ANKS1B: variants seen among roughly 807,000 people sequenced by gnomAD.
ANKS1B encodes ankyrin repeat and sterile alpha motif domain-containing protein 1B.
In ANKS1B, 36 loss-of-function variants were observed where a neutral mutation model predicts 148.3. The observed-to-expected ratio is 0.24, with a 90% confidence interval of 0.19 to 0.32. The LOEUF (loss-of-function observed/expected upper bound fraction) is 0.32. Among genes scored for constraint, ANKS1B ranks in the 10% least tolerant of loss-of-function variants. ANKS1B has a pLI of 1.00. For missense variants in ANKS1B, 1,157 were observed against 1,542.6 expected (o/e 0.75, Z 4.19); for synonymous variants, 542 against 560.8 (o/e 0.97, Z 0.47).
rs1223740629 is a variant in ANKS1B, at chr12:99,602,170, T to C, written c.1272+52897A>G. On this transcript the variant is annotated intron_variant, in intron 9 of 26. Transcript: ENST00000683438. ...ATTCAGCATGCTAAAGTGCCATACT[T>C]TGTGGTACCATTTTCTGAGCCCAAC... Among the ~76,000 whole-genome samples, 5 of 152,124 alleles carry C rather than the reference T, an allele frequency of 3.3e-5. No homozygotes were observed. The East Asian group carries it at 9.7e-4, about 29-fold the overall frequency.
chr12:99,288,716 G>A (rs539985262), intron 12 of ANKS1B, among the ~76,000 whole-genome samples: 1 of 151,992 alleles, frequency 6.6e-6, no homozygotes, highest in African/African-American at 2.4e-5. Context: ...GTTATAAGAT[G>A]TTATTTGCAA....
intron 10 of ANKS1B, among the ~76,000 whole-genome samples, chr12:99,489,492 T>C (rs1299468056): frequency 1.3e-5 from 2 of 152,212 alleles, no homozygotes; most frequent in Non-Finnish European, 2.9e-5. Context: ...AGAAGCATTA[T>C]ATTAGTAGCT....
chr12:99,498,389 A>C (rs1472391952), intron 10 of ANKS1B, among the ~76,000 whole-genome samples: 1 of 151,900 alleles, frequency 6.6e-6, no homozygotes, highest in African/African-American at 2.4e-5. Flanking sequence ...CTCTGAATGT[A>C]CTCTGTTCTT....
At chr12:99,384,096 G>A (rs2093760935) in intron 12 of ANKS1B, among the ~76,000 whole-genome samples, 10 of 152,144 alleles carry the variant, frequency 6.6e-5, no homozygotes, top group Admixed American at 6.5e-4. Flanking sequence ...AAAGAGAGCA[G>A]AGATTTTGTC....
chr12:99,919,730 A>T (rs941039178), intron 1 of ANKS1B, among the ~76,000 whole-genome samples: 1 of 151,432 alleles, frequency 6.6e-6, no homozygotes, highest in African/African-American at 2.4e-5. Flanking sequence ...CAGGTGGCAA[A>T]TTGAGCACTT....
At chr12:99,181,261 T>G (rs1001406700) in intron 14 of ANKS1B, among the ~76,000 whole-genome samples, 1 of 152,116 alleles carries the variant, frequency 6.6e-6, no homozygotes, top group Non-Finnish European at 1.5e-5. Context: ...TTTTTTTGGC[T>G]CCCAATACCT....
intron 9 of ANKS1B, among the ~76,000 whole-genome samples, chr12:99,546,311 G>A (rs1056742327): frequency 6.6e-6 from 1 of 152,120 alleles, no homozygotes; most frequent in Non-Finnish European, 1.5e-5. Flanking sequence ...GCTAACTTAA[G>A]AAAGACATGC....
intron 16 of ANKS1B, among the ~76,000 whole-genome samples, chr12:99,083,145 T>C (rs1311980316): frequency 1.3e-5 from 2 of 152,200 alleles, no homozygotes; most frequent in East Asian, 3.8e-4. Flanking sequence ...TGTCTATCAG[T>C]AGAAATTCAA....
chr12:99,639,658 GT>G (rs745562000), intron 9 of ANKS1B, among the ~76,000 whole-genome samples: 8 of 152,236 alleles, frequency 5.3e-5, no homozygotes, highest in Non-Finnish European at 8.8e-5. Context: ...AGATCTGATG[GT>G]TTTAAAAGGG....
intron 1 of ANKS1B, among the ~76,000 whole-genome samples, chr12:99,923,146 T>C (rs1566006203): frequency 1.3e-5 from 2 of 152,288 alleles, no homozygotes; most frequent in Admixed American, 1.3e-4. Flanking sequence ...GCTTCAGCAT[T>C]CCATCAAGAC....
At chr12:99,750,672 G>A (rs1200605178) in intron 8 of ANKS1B, among the ~76,000 whole-genome samples, 2 of 151,882 alleles carry the variant, frequency 1.3e-5, no homozygotes, top group African/African-American at 4.8e-5. Flanking sequence ...CTGTTTCCAG[G>A]CCCATCCCCT....
At chr12:99,281,982 G>A (rs1486264911) in intron 12 of ANKS1B, among the ~76,000 whole-genome samples, 6 of 152,154 alleles carry the variant, frequency 3.9e-5, no homozygotes, top group Non-Finnish European at 5.9e-5. Flanking sequence ...CAAAGTTCCT[G>A]TTCTCATGGA....
chr12:99,478,025 G>A (rs1393824937), intron 10 of ANKS1B, among the ~76,000 whole-genome samples: 2 of 152,138 alleles, frequency 1.3e-5, no homozygotes, highest in East Asian at 3.8e-4. Flanking sequence ...TAAATATTAT[G>A]CAACACTTAA....
intron 9 of ANKS1B, among the ~76,000 whole-genome samples, chr12:99,593,428 T>G (rs2097724255): frequency 6.6e-6 from 1 of 152,088 alleles, no homozygotes; most frequent in Non-Finnish European, 1.5e-5. Context: ...AATAATATAA[T>G]TTATAAAGAA....
chr12:99,739,039 G>C (rs980884531), intron 8 of ANKS1B, among the ~76,000 whole-genome samples: 4 of 151,906 alleles, frequency 2.6e-5, no homozygotes, highest in African/African-American at 9.7e-5. Context: ...CAAAGGTTAG[G>C]AATTACTTCC....
chr12:99,932,536 C>T lies in ANKS1B; in HGVS notation c.134+51568G>A, dbSNP rs12311947. Reference sequence around the variant, plus strand: ...TTCTCTGATGATCAGTGATGTTGAACATCTTTTCATATGCCTGTCTGCCAT... The same window carrying T: ...TTCTCTGATGATCAGTGATGTTGAATATCTTTTCATATGCCTGTCTGCCAT... On this transcript the variant is annotated intron_variant, in intron 1 of 26. Coordinates refer to ENST00000683438, the MANE Select transcript of ANKS1B (RefSeq NM_001352186.2). Among the ~76,000 whole-genome samples, 733 of 152,198 alleles carry T rather than the reference C, an allele frequency of 4.8e-3. 10 individuals carry two copies. The highest frequency in any genetic ancestry group is 0.017 in the African/African-American group (689 of 41,546).
chr12:99,346,302 A>C (rs973287803), intron 12 of ANKS1B, among the ~76,000 whole-genome samples: 5 of 149,066 alleles, frequency 3.4e-5, no homozygotes, highest in African/African-American at 1.2e-4. Flanking sequence ...AAACAATTTA[A>C]CTCTTCCTTT....
At chr12:99,557,423 G>A (rs1465872966) in intron 9 of ANKS1B, among the ~76,000 whole-genome samples, 1 of 152,098 alleles carries the variant, frequency 6.6e-6, no homozygotes, top group East Asian at 1.9e-4. Flanking sequence ...TGAGCTCTGA[G>A]AGTCTTTCCT....
Position 98,751,763 on chromosome 12 carries a change from G to A in ANKS1B, c.3580-241C>T, listed in dbSNP as rs979354165. Among the ~76,000 whole-genome samples the A allele has an allele frequency of 2.0e-5, 3 of 152,134 alleles. No individual in the cohort carries two copies. Among genetic ancestry groups the A allele is most frequent in the Non-Finnish European group, 4.4e-5 (3 of 68,028 alleles). On this transcript the variant is annotated intron_variant, in intron 25 of 26. Coordinates refer to ENST00000683438, the MANE Select transcript of ANKS1B (RefSeq NM_001352186.2). The surrounding 1 kb of genome is among the most constrained non-coding windows in gnomAD (Gnocchi z 4.3). ...GGGACCTCAAATCACTAAGACAAACGAAAAAGTCAGCTGGGAACTGTGTTG... is the reference window on the plus strand; with the variant it reads ...GGGACCTCAAATCACTAAGACAAACAAAAAAGTCAGCTGGGAACTGTGTTG...
Sources: allele counts gnomAD v4.1 joint callset (sites outside exome capture counted in the v4.1 genomes callset), GRCh38; gene constraint gnomAD v4.1.1; non-coding constraint Gnocchi (gnomAD v3.1); transcripts MANE v1.5; gene names NCBI Gene and HGNC (gene_info 2026-07-23, HGNC 2026-07-21).